GJB3: variants seen among roughly 807,000 people sequenced by gnomAD.
GJB3 encodes the protein gap junction protein beta 3, also known as gap junction beta-3 protein.
A neutral mutation model predicts 8.1 loss-of-function variants in GJB3; 6 were observed. The observed-to-expected ratio is 0.75, with a 90% confidence interval of 0.41 to 1.47. The LOEUF (loss-of-function observed/expected upper bound fraction) is 1.47, where lower values mean the gene tolerates loss of function less well. Among genes scored for constraint, GJB3 ranks in the 40% most tolerant of loss-of-function variants. The probability of loss-of-function intolerance (pLI) is 0.02; values close to 1 mark genes in which losing one functional copy is unlikely to be tolerated. For synonymous variants in GJB3, 137 were observed against 156.4 expected, an observed-to-expected ratio of 0.88 and a Z score of 0.93; for missense variants, 348 against 365.6, an observed-to-expected ratio of 0.95 and a Z score of 0.39.
In GJB3 at chr1:34,785,113, C is replaced by T. The variant is rs752031948; in HGVS notation, c.351C>T (p.Tyr117=). ...ACGGGGACCAGTGCGCCAAGCTGTA[C>T]GACAACGCAGGCAAGAAGCACGGAG... The part of the protein sequence containing the change: ...QKHGDQCAKL[Y]DNAGKKHGGL... Residue 117 remains tyrosine, a synonymous_variant, in exon 2 of 2, where the codon TAC becomes TAT. Coordinates refer to ENST00000373366, the MANE Select transcript of GJB3 (RefSeq NM_024009.3). The surrounding 1 kb of genome is among the most constrained non-coding windows in gnomAD (Gnocchi z 4.7). The T allele has an allele frequency of 8.1e-6, 13 of 1,614,108 alleles. No homozygotes were observed. The highest frequency in any genetic ancestry group is 5.5e-5 in the South Asian group (5 of 91,082).
intron 1 of GJB3, among the ~76,000 whole-genome samples, chr1:34,783,497 G>A (rs1367335478): frequency 5.9e-5 from 9 of 152,338 alleles, no homozygotes; most frequent in East Asian, 3.9e-4. Flanking sequence ...TAAGCCTAGC[G>A]AGAAGCTAGT....
rs1370987668 is a variant in GJB3, at chr1:34,785,757, C to T, written c.*182C>T. The T allele has an allele frequency of 1.3e-5, 8 of 619,326 alleles. No individual in the cohort carries two copies. Among genetic ancestry groups the T allele is most frequent in the Non-Finnish European group, 2.4e-5 (8 of 339,112 alleles). The allele number at this position is 619,326 out of a possible 1,614,324, so 38.4% of individuals were successfully genotyped here. ...GGGCTGTCTAGCCGGGTATAGGTAA[C>T]CCACAGGCCCAGTGCCAGCCCTCAA... is the stretch of plus-strand genomic sequence containing the variant. On this transcript the variant is annotated 3_prime_UTR_variant, in exon 2 of 2. Transcript: ENST00000373366. This position sits in a 1 kb window ranked among gnomAD's most constrained non-coding sequence, Gnocchi z 4.7.
chr1:34,785,063 C>A lies in GJB3; in HGVS notation c.301C>A (p.Arg101=). 6.2e-7 allele frequency: 1 copy of A among 1,614,088 alleles called. No individual in the cohort carries two copies. Among genetic ancestry groups the A allele is most frequent in the Non-Finnish European group, 8.5e-7 (1 of 1,180,032 alleles). The change falls in exon 2 of 2, where the codon CGG becomes AGG. Residue 101 remains arginine, a synonymous_variant. Transcript: ENST00000373366. This position sits in a 1 kb window ranked among gnomAD's most constrained non-coding sequence, Gnocchi z 4.7. ...VILHVAYREE[R]ERRHRQKHGD... ...CCTGCACGTGGCCTACCGTGAGGAG[C>A]GGGAGCGCCGGCACCGCCAGAAACA...
At chr1:34,782,375 C>T (rs150148598) in intron 1 of GJB3, 1 of 152,250 alleles carries the variant, frequency 6.6e-6, no homozygotes, top group African/African-American at 2.4e-5. Context: ...CGTCAGGGTC[C>T]CTCTCTGCTC....
intron 1 of GJB3, among the ~76,000 whole-genome samples, chr1:34,784,493 T>C (rs1428279731): frequency 6.6e-6 from 1 of 152,222 alleles, no homozygotes; most frequent in East Asian, 1.9e-4. Flanking sequence ...ATGGTGATTG[T>C]TATTATCAGC....
chr1:34,785,739 C>A lies in GJB3; in HGVS notation c.*164C>A. On this transcript the variant is annotated 3_prime_UTR_variant, in exon 2 of 2. Transcript: ENST00000373366. This position sits in a 1 kb window ranked among gnomAD's most constrained non-coding sequence, Gnocchi z 4.7. ...TTTTTGACACTGGGAACTGGGCTGT[C>A]TAGCCGGGTATAGGTAACCCACAGG... The A allele has an allele frequency of 1.6e-6, 1 of 644,258 alleles. No individual in the cohort carries two copies. The allele number at this position is 644,258 out of a possible 1,614,324, so 39.9% of individuals were successfully genotyped here.
chr1:34,784,628 C>T lies in GJB3; in HGVS notation c.-25-110C>T, dbSNP rs140034106. ...AATAACAGTTCTGAACTCAGAGGGT[C>T]GTTGTGAGTATTGAACAAGTCAGAA... On this transcript the variant is annotated intron_variant, in intron 1 of 1. Transcript: ENST00000373366. 356 of 736,894 alleles carry T rather than the reference C, an allele frequency of 4.8e-4. 1 individual carries two copies. In the African/African-American group the frequency reaches 5.6e-3, roughly 12 times the overall value. The allele number at this position is 736,894 out of a possible 1,614,324, so 45.6% of individuals were successfully genotyped here.
rs1640077154 is a variant in GJB3 at position 34,784,931 on chromosome 1, CA to C, written c.170del (p.Gln57ArgfsTer211). 6.2e-7 allele frequency: 1 copy of C among 1,614,200 alleles called. No homozygotes were observed. Among genetic ancestry groups the C allele is most frequent in the South Asian group, 1.1e-5 (1 of 91,084 alleles). On this transcript the variant is annotated frameshift_variant, in exon 2 of 2. Coordinates refer to ENST00000373366, the MANE Select transcript of GJB3 (RefSeq NM_024009.3). LOFTEE classifies it high-confidence loss of function. ...GAAGGACTTTGACTGCAACACCAAG[CA>C]GCCCGGCTGCACCAACGTCTGCTAC... ...EQKDFDCNTKQPGCTNVCYDN... is the reference protein window; with the variant it reads ...EQKDFDCNTKXPGCTNVCYDN...
rs373859631 is a variant in GJB3 at position 34,785,022 on chromosome 1, C to T, written c.260C>T (p.Pro87Leu). 17 of 1,614,058 alleles carry T rather than the reference C, an allele frequency of 1.1e-5. No homozygotes were observed. The highest frequency in any genetic ancestry group is 1.1e-5 in the Non-Finnish European group (13 of 1,180,030). ...WALQLIFVTC[P>L]SLLVILHVAY... is the part of the protein sequence containing the mutation. ...CTGCAGCTCATCTTCGTCACATGCC[C>T]CTCGCTGCTGGTCATCCTGCACGTG... The change falls in exon 2 of 2, where the codon CCC (proline) becomes CTC (leucine). Residue 87 changes from proline to leucine, a missense_variant. Transcript: ENST00000373366. This position sits in a 1 kb window ranked among gnomAD's most constrained non-coding sequence, Gnocchi z 4.7.
rs1044164299 is a variant in GJB3, at chr1:34,785,089, C to T, written c.327C>T (p.His109=). The change falls in exon 2 of 2, where the codon CAC becomes CAT. Residue 109 remains histidine (H), a synonymous_variant. Coordinates refer to ENST00000373366, the MANE Select transcript of GJB3 (RefSeq NM_024009.3). The surrounding 1 kb of genome is among the most constrained non-coding windows in gnomAD (Gnocchi z 4.7). Reference sequence around the variant, plus strand: ...GGGAGCGCCGGCACCGCCAGAAACACGGGGACCAGTGCGCCAAGCTGTACG... The same window carrying T: ...GGGAGCGCCGGCACCGCCAGAAACATGGGGACCAGTGCGCCAAGCTGTACG... ...EERERRHRQK[H]GDQCAKLYDN... 7 of 1,614,012 alleles carry T rather than the reference C, an allele frequency of 4.3e-6. No homozygotes were observed. Among genetic ancestry groups the T allele is most frequent in the African/African-American group, 1.3e-5 (1 of 74,934 alleles).
Position 34,784,829 on chromosome 1 carries a change from A to T in GJB3, c.67A>T (p.Ile23Phe). Residue 23 changes from isoleucine to phenylalanine, a missense_variant, in exon 2 of 2, where the codon ATC (isoleucine) becomes TTC (phenylalanine). Coordinates refer to ENST00000373366, the MANE Select transcript of GJB3 (RefSeq NM_024009.3). Reference sequence around the variant, plus strand: ...CAAGTACTCCACAGCGTTCGGGCGCATCTGGCTGTCCGTGGTGTTCGTCTT... The same window carrying T: ...CAAGTACTCCACAGCGTTCGGGCGCTTCTGGCTGTCCGTGGTGTTCGTCTT... Reference protein sequence around the residue: ...VNKYSTAFGRIWLSVVFVFRV... With the variant: ...VNKYSTAFGRFWLSVVFVFRV... 6.2e-7 allele frequency: 1 copy of T among 1,614,232 alleles called. No individual in the cohort carries two copies. The highest frequency in any genetic ancestry group is 1.1e-5 in the South Asian group (1 of 91,088).
At chr1:34,783,335 G>A (rs534842560) in intron 1 of GJB3, among the ~76,000 whole-genome samples, 1 of 152,316 alleles carries the variant, frequency 6.6e-6, no homozygotes, top group South Asian at 2.1e-4. Flanking sequence ...CCTCTAAAGA[G>A]ATGAGGTTTG....
Position 34,781,586 on chromosome 1 carries a change from C to T in GJB3, c.-218C>T, listed in dbSNP as rs919947888. The T allele has an allele frequency of 6.6e-6, 1 of 152,328 alleles. No homozygotes were observed. Among genetic ancestry groups the T allele is most frequent in the African/African-American group, 2.4e-5 (1 of 41,468 alleles). 9.4% of individuals were successfully genotyped at this position (152,328 alleles called of 1,614,324 possible). A position where few individuals can be genotyped will look rare whatever the true frequency, so the allele number is the denominator to read the frequency against. ...AGGCTCAGACGGGCCACCAGCCCCTCCGGAGGCTGGCCCGGGAGCGCCTGG... is the reference window on the plus strand; with the variant it reads ...AGGCTCAGACGGGCCACCAGCCCCTTCGGAGGCTGGCCCGGGAGCGCCTGG... On this transcript the variant is annotated 5_prime_UTR_variant, in exon 1 of 2. Coordinates refer to ENST00000373366, the MANE Select transcript of GJB3 (RefSeq NM_024009.3). This position sits in a 1 kb window ranked among gnomAD's most constrained non-coding sequence, Gnocchi z 6.2.
rs1640112001 is a variant in GJB3 at position 34,786,124 on chromosome 1, C to G, written c.*549C>G. ...CAGGTCTGGAGGGCTGAGAATGAAC[C>G]TGACTAGAGGTTCTGGAGATACCCA... On this transcript the variant is annotated 3_prime_UTR_variant, in exon 2 of 2. Coordinates refer to ENST00000373366, the MANE Select transcript of GJB3 (RefSeq NM_024009.3). This position sits in a 1 kb window ranked among gnomAD's most constrained non-coding sequence, Gnocchi z 4.4. 5.8e-6 allele frequency: 1 copy of G among 173,714 alleles called. No individual in the cohort carries two copies. The allele number at this position is 173,714 out of a possible 1,614,324, so 10.8% of individuals were successfully genotyped here. A position where few individuals can be genotyped will look rare whatever the true frequency, so the allele number is the denominator to read the frequency against.
At position 34,784,774 on chromosome 1, in the gene GJB3, G is replaced by A; in HGVS notation, c.12G>A (p.Lys4=). 6.2e-7 allele frequency: 1 copy of A among 1,614,086 alleles called. No homozygotes were observed. The highest frequency in any genetic ancestry group is 8.5e-7 in the Non-Finnish European group (1 of 1,179,932). MDW[K]TLQALLSGVN... Reference sequence around the variant, plus strand: ...CCCCACCAGGCGCCATGGACTGGAAGACACTCCAGGCCCTACTGAGCGGTG... The same window carrying A: ...CCCCACCAGGCGCCATGGACTGGAAAACACTCCAGGCCCTACTGAGCGGTG... The change falls in exon 2 of 2, where the codon AAG becomes AAA. Residue 4 remains lysine, a synonymous_variant. Transcript: ENST00000373366.
In GJB3 at chr1:34,785,470, T is replaced by C. The variant is rs1640096896; in HGVS notation, c.708T>C (p.Ala236=). 6.2e-7 allele frequency: 1 copy of C among 1,613,682 alleles called. No individual in the cohort carries two copies. Among genetic ancestry groups the C allele is most frequent in the Admixed American group, 1.7e-5 (1 of 60,000 alleles). Residue 236 remains alanine (A), a synonymous_variant, in exon 2 of 2, where the codon GCT becomes GCC. Coordinates refer to ENST00000373366, the MANE Select transcript of GJB3 (RefSeq NM_024009.3). The surrounding 1 kb of genome is among the most constrained non-coding windows in gnomAD (Gnocchi z 4.7). ...GCCCCTCGTCCTCCGCCAGCCGAGC[T>C]TCCACCTGCCGCTGCCACCACAAGC... ...GCSPSSSASR[A]STCRCHHKLV...
At chr1:34,784,458 C>T (rs1189453379) in intron 1 of GJB3, among the ~76,000 whole-genome samples, 3 of 152,208 alleles carry the variant, frequency 2.0e-5, no homozygotes, top group Non-Finnish European at 2.9e-5. Flanking sequence ...AACTTCATGC[C>T]TGACTCTGAG....
Position 34,785,379 on chromosome 1 carries a change from T to C in GJB3, c.617T>C (p.Leu206Pro), listed in dbSNP as rs776910496. 1.2e-6 allele frequency: 2 copies of C among 1,613,892 alleles called. No homozygotes were observed. Among genetic ancestry groups the C allele is most frequent in the African/African-American group, 1.3e-5 (1 of 74,850 alleles). The change falls in exon 2 of 2, where the codon CTC becomes CCC. Residue 206 changes from leucine to proline, a missense_variant. Leu to Pro is a moderately conservative substitution (Grantham distance 98). Coordinates refer to ENST00000373366, the MANE Select transcript of GJB3 (RefSeq NM_024009.3). This position sits in a 1 kb window ranked among gnomAD's most constrained non-coding sequence, Gnocchi z 4.7. ...AVCIVLTICELCYLICHRVLR... is the reference protein window; with the variant it reads ...AVCIVLTICEPCYLICHRVLR... ...TGCATCGTACTCACCATCTGTGAGC[T>C]CTGCTACCTCATCTGCCACAGGGTC...
intron 1 of GJB3, among the ~76,000 whole-genome samples, chr1:34,782,731 C>T (rs1252450306): frequency 6.6e-6 from 1 of 152,036 alleles, no homozygotes; most frequent in Non-Finnish European, 1.5e-5. Context: ...CTGTGATTCC[C>T]AGAGGAAACG....
Sources: allele counts gnomAD v4.1 joint callset (sites outside exome capture counted in the v4.1 genomes callset), GRCh38; gene constraint gnomAD v4.1.1; non-coding constraint Gnocchi (gnomAD v3.1); transcripts MANE v1.5; gene names NCBI Gene and HGNC (gene_info 2026-07-23, HGNC 2026-07-21).